Variants in DRC1 observed in about 807,000 individuals in gnomAD.
DRC1 encodes the protein dynein regulatory complex subunit 1.
A neutral mutation model predicts 98.7 loss-of-function variants in DRC1; 74 were observed. That is an observed-to-expected ratio of 0.75 (90% CI 0.62 to 0.91). The LOEUF is 0.91. Ranked by LOEUF, DRC1 falls within the 40% of genes least tolerant of loss-of-function variation. The pLI, the probability that DRC1 is intolerant of heterozygous loss-of-function variation, is 0.00. For missense variants in DRC1, 875 were observed against 886.0 expected, an observed-to-expected ratio of 0.99 and a Z score of 0.16; for synonymous variants, 336 against 334.1, an observed-to-expected ratio of 1.01 and a Z score of -0.06.
At chr2:26,449,345 G>A (rs1005451629) in intron 11 of DRC1, among the ~76,000 whole-genome samples, 1 of 152,244 alleles carries the variant, frequency 6.6e-6, no homozygotes, top group Non-Finnish European at 1.5e-5. Flanking sequence ...TCTGAAGTGG[G>A]TATTCTTTTA....
chr2:26,439,202 A>G (rs1663650176), intron 7 of DRC1, among the ~76,000 whole-genome samples: 1 of 151,832 alleles, frequency 6.6e-6, no homozygotes, highest in African/African-American at 2.4e-5. Context: ...TCCTCTCTCT[A>G]GAGCGCTCTC....
chr2:26,424,259 A>C lies in DRC1; in HGVS notation c.357-12A>C. ...AGCTGGGTTGGCATGGCTGGCATGT[A>C]TGTATTTGCAGGATTGAGAAGCTGG... On this transcript the variant is annotated splice_polypyrimidine_tract_variant and intron_variant, in intron 3 of 16. Coordinates refer to ENST00000288710, the MANE Select transcript of DRC1 (RefSeq NM_145038.5). 1 of 1,613,750 alleles carries C rather than the reference A, an allele frequency of 6.2e-7. No individual in the cohort carries two copies. The highest frequency in any genetic ancestry group is 8.5e-7 in the Non-Finnish European group (1 of 1,179,884).
intron 4 of DRC1, among the ~76,000 whole-genome samples, chr2:26,429,022 G>A (rs917464945): frequency 1.6e-4 from 24 of 152,034 alleles, no homozygotes; most frequent in African/African-American, 5.6e-4. Flanking sequence ...TAGGCTTTCT[G>A]GGAGCTTGCA....
chr2:26,452,999 A>C (rs548349555), intron 13 of DRC1, among the ~76,000 whole-genome samples: 84 of 152,338 alleles, frequency 5.5e-4, no homozygotes, highest in African/African-American at 2.0e-3. Flanking sequence ...TAAATTTAAC[A>C]ATTAAAGCAA....
At chr2:26,412,581 C>T (rs1678651004) in intron 1 of DRC1, among the ~76,000 whole-genome samples, 1 of 152,074 alleles carries the variant, frequency 6.6e-6, no homozygotes, top group Non-Finnish European at 1.5e-5. Flanking sequence ...CTCGCCACCG[C>T]CCCTTTAGTC....
chr2:26,452,008 T>A (rs1264669670), intron 13 of DRC1, among the ~76,000 whole-genome samples: 1 of 151,872 alleles, frequency 6.6e-6, no homozygotes, highest in Non-Finnish European at 1.5e-5. Context: ...CTTAAACATA[T>A]GAAAAGACAA....
At chr2:26,453,812 G>A (rs1051481122) in intron 14 of DRC1, among the ~76,000 whole-genome samples, 5 of 152,232 alleles carry the variant, frequency 3.3e-5, no homozygotes, top group Non-Finnish European at 7.3e-5. Flanking sequence ...AAGCACTGTG[G>A]GGGCACTGCC....
At chr2:26,453,607 TG>T in intron 14 of DRC1, 58 bp downstream of exon 14, 1 of 1,543,390 alleles carries the variant, frequency 6.5e-7, no homozygotes. Flanking sequence ...CTGGATGGGC[TG>T]GGGAGCCAGG....
chr2:26,418,715 AAT>A (rs1678935107), intron 2 of DRC1, among the ~76,000 whole-genome samples: 3 of 111,784 alleles, frequency 2.7e-5, no homozygotes, highest in South Asian at 2.6e-4. Context: ...TAATTTATAT[AAT>A]ATATAAATTA....
chr2:26,446,094 A>ATTTTT (rs35251803), intron 10 of DRC1, among the ~76,000 whole-genome samples: 1 of 83,004 alleles, frequency 1.2e-5, no homozygotes, highest in African/African-American at 3.9e-5. Context: ...CAAATAGGGA[A>ATTTTT]TTTTTTTTTT....
intron 4 of DRC1, among the ~76,000 whole-genome samples, chr2:26,429,378 G>C (rs917539879): frequency 4.6e-5 from 7 of 151,832 alleles, no homozygotes; most frequent in Non-Finnish European, 7.4e-5. Flanking sequence ...ACCACATCTG[G>C]CTAATTTTTA....
chr2:26,420,560 A>G (rs1663106551), intron 2 of DRC1, among the ~76,000 whole-genome samples: 1 of 152,196 alleles, frequency 6.6e-6, no homozygotes, highest in African/African-American at 2.4e-5. Flanking sequence ...CCTTCTCTAC[A>G]GTGAATAAAT....
chr2:26,408,642 A>T (rs1678498964), intron 1 of DRC1, among the ~76,000 whole-genome samples: 1 of 152,046 alleles, frequency 6.6e-6, no homozygotes, highest in Non-Finnish European at 1.5e-5. Flanking sequence ...GTGGTGGTGC[A>T]TGCCTGTAAT....
In DRC1 at chr2:26,455,190, A is replaced by G; in HGVS notation, c.2123A>G (p.Asn708Ser). Reference protein sequence around the residue: ...LLENSSLEQQNTELQALLQQY... With the variant: ...LLENSSLEQQSTELQALLQQY... ...GAAAACAGTTCTCTGGAGCAGCAGAACACAGAGCTGCAGGCGCTACTGCAG... is the reference window on the plus strand; with the variant it reads ...GAAAACAGTTCTCTGGAGCAGCAGAGCACAGAGCTGCAGGCGCTACTGCAG... The change falls in exon 16 of 17, where the codon AAC becomes AGC. Residue 708 changes from asparagine to serine, a missense_variant. Asn to Ser is a conservative substitution (Grantham distance 46). Transcript: ENST00000288710. 1 of 1,614,130 alleles carries G rather than the reference A, an allele frequency of 6.2e-7. No homozygotes were observed. Among genetic ancestry groups the G allele is most frequent in the East Asian group, 2.2e-5 (1 of 44,880 alleles).
intron 6 of DRC1, 89 bp downstream of exon 6, chr2:26,430,961 T>A: frequency 2.1e-6 from 2 of 959,872 alleles, no homozygotes; most frequent in Non-Finnish European, 1.4e-6. Context: ...TTTCTATCTT[T>A]TTTTTTTTTT....
intron 7 of DRC1, among the ~76,000 whole-genome samples, chr2:26,439,329 G>A (rs371691358): frequency 3.3e-5 from 5 of 152,036 alleles, no homozygotes; most frequent in African/African-American, 1.2e-4. Flanking sequence ...CCTCTCATTG[G>A]TCCCATAACG....
At chr2:26,439,396 T>C (rs1014672750) in intron 7 of DRC1, among the ~76,000 whole-genome samples, 3 of 152,194 alleles carry the variant, frequency 2.0e-5, no homozygotes, top group Non-Finnish European at 2.9e-5. Context: ...TCTGCCTCTG[T>C]TCTAGACAGG....
At chr2:26,453,587 AC>A in intron 14 of DRC1, 38 bp downstream of exon 14, 1 of 1,587,496 alleles carries the variant, frequency 6.3e-7, no homozygotes, top group Non-Finnish European at 8.6e-7. Flanking sequence ...TGAGACCAGA[AC>A]CAGGGGAGCT....
At position 26,454,435 on chromosome 2, in the gene DRC1, G is replaced by T. The variant is rs2280515; in HGVS notation, c.1920-212G>T. Among the ~76,000 whole-genome samples, 136,018 of 152,142 alleles carry T rather than the reference G, an allele frequency of 0.89. 61,801 individuals carry two copies. The highest frequency in any genetic ancestry group is 0.96 in the Middle Eastern group (283 of 294). On this transcript the variant is annotated intron_variant, in intron 14 of 16. Coordinates refer to ENST00000288710, the MANE Select transcript of DRC1 (RefSeq NM_145038.5). This position sits in a 1 kb window ranked among gnomAD's most constrained non-coding sequence, Gnocchi z 5.2. ...GGAGAGAGAGGGGTGGATGAAGCACGGATTATGCCCTCACGAAGGTACCGG... is the reference window on the plus strand; with the variant it reads ...GGAGAGAGAGGGGTGGATGAAGCACTGATTATGCCCTCACGAAGGTACCGG...
Sources: gnomAD v4.1 joint callset for allele counts (sites outside exome capture counted in the v4.1 genomes callset) on GRCh38, gnomAD v4.1.1 for gene constraint, Gnocchi (gnomAD v3.1) non-coding constraint, MANE v1.5 for transcripts, NCBI Gene and HGNC (gene_info 2026-07-23, HGNC 2026-07-21) for gene names.